Variants in RPIA observed in about 807,000 individuals in gnomAD.
RPIA encodes ribose 5-phosphate isomerase A, also known as ribose-5-phosphate isomerase.
Under a neutral mutation model 37.8 loss-of-function variants are expected in RPIA, and 29 were observed. The observed-to-expected ratio is 0.77, with a 90% CI of 0.57 to 1.05. The LOEUF (loss-of-function observed/expected upper bound fraction) is 1.05, where lower values mean the gene tolerates loss of function less well. RPIA is among the 50% of genes least tolerant of loss of function. The pLI is 0.00. For synonymous variants in RPIA, 167 were observed against 157.0 expected (o/e 1.06, Z -0.48); for missense variants, 385 against 413.6 (o/e 0.93, Z 0.60).
chr2:88,738,929 CACCAGGCGAGGAGAGG>C (rs1673350097), intron 8 of RPIA, among the ~76,000 whole-genome samples: 2 of 152,152 alleles, frequency 1.3e-5, no homozygotes, highest in South Asian at 4.1e-4. Context: ...CTTGCTGAAG[CACCAGGCGAGGAGAGG>C]CTGTGTGAAA....
intron 3 of RPIA, among the ~76,000 whole-genome samples, chr2:88,706,768 A>C (rs1176796956): frequency 2.0e-5 from 3 of 152,184 alleles, no homozygotes; most frequent in Non-Finnish European, 2.9e-5. Flanking sequence ...TTTTGGGGAC[A>C]GCACCAACTT....
chr2:88,724,855 T>G (rs1673177230), intron 3 of RPIA, among the ~76,000 whole-genome samples: 1 of 152,150 alleles, frequency 6.6e-6, no homozygotes, highest in Non-Finnish European at 1.5e-5. Flanking sequence ...CTACCTTGAT[T>G]AGGTAGTAGA....
chr2:88,692,801 C>T (rs1260168812), intron 1 of RPIA, among the ~76,000 whole-genome samples: 2 of 152,266 alleles, frequency 1.3e-5, no homozygotes, highest in East Asian at 1.9e-4. Context: ...GTATTAGAGT[C>T]TCTTTTCTTC....
chr2:88,719,581 A>G (rs931953962), intron 3 of RPIA, among the ~76,000 whole-genome samples: 17 of 152,330 alleles, frequency 1.1e-4, no homozygotes, highest in Admixed American at 9.8e-4. Flanking sequence ...AGAGGATCAC[A>G]GGTCATTGTA....
chr2:88,748,048 A>G (rs1426172009), intron 8 of RPIA, among the ~76,000 whole-genome samples: 1 of 152,186 alleles, frequency 6.6e-6, no homozygotes, highest in Admixed American at 6.5e-5. Context: ...GTAGTTTAAA[A>G]TTATGAGTTA....
intron 3 of RPIA, among the ~76,000 whole-genome samples, chr2:88,721,380 T>G (rs1673124780): frequency 6.7e-6 from 1 of 149,844 alleles, no homozygotes; most frequent in African/African-American, 2.4e-5. Flanking sequence ...AAAAAGAAAA[T>G]AAATTTAATA....
At chr2:88,742,304 G>A (rs551112772) in intron 8 of RPIA, among the ~76,000 whole-genome samples, 2 of 152,194 alleles carry the variant, frequency 1.3e-5, no homozygotes, top group Non-Finnish European at 2.9e-5. Flanking sequence ...TGTTGAATAG[G>A]GTGTCCTTTC....
At chr2:88,708,754 A>ATT (rs59981047) in intron 3 of RPIA, among the ~76,000 whole-genome samples, 22 of 128,134 alleles carry the variant, frequency 1.7e-4, no homozygotes, top group African/African-American at 4.5e-4. Context: ...TGCCAAATGG[A>ATT]TTTTTTTTTT....
intron 4 of RPIA, among the ~76,000 whole-genome samples, chr2:88,730,371 T>C (rs1193411204): frequency 3.8e-5 from 4 of 104,334 alleles, no homozygotes; most frequent in African/African-American, 8.0e-5. Flanking sequence ...AAAAAGCTTA[T>C]CCACCATGAT....
intron 8 of RPIA, among the ~76,000 whole-genome samples, chr2:88,740,810 T>C (rs931123467): frequency 6.6e-6 from 1 of 152,240 alleles, no homozygotes; most frequent in African/African-American, 2.4e-5. Context: ...TTAAAGCCTT[T>C]TCTGAACCTG....
intron 3 of RPIA, among the ~76,000 whole-genome samples, chr2:88,709,965 G>A (rs1041250026): frequency 6.6e-6 from 1 of 152,146 alleles, no homozygotes; most frequent in Non-Finnish European, 1.5e-5. Flanking sequence ...TCTCCCTTTG[G>A]GTCAGGATTT....
intron 3 of RPIA, among the ~76,000 whole-genome samples, chr2:88,727,222 C>G (rs1673210442): frequency 6.6e-6 from 1 of 152,202 alleles, no homozygotes; most frequent in Non-Finnish European, 1.5e-5. Context: ...GTCATATCAT[C>G]ACCTCCGCTT....
intron 3 of RPIA, among the ~76,000 whole-genome samples, chr2:88,717,567 T>C (rs1673051756): frequency 6.6e-6 from 1 of 152,166 alleles, no homozygotes; most frequent in African/African-American, 2.4e-5. Context: ...TTTATCGCAG[T>C]GAGCAGAGGG....
rs1185318329 is a variant in RPIA, at chr2:88,745,581, G to GTTTAAGGAGGCTAAAGATAAGA, written c.839-4399_839-4378dup. Among the ~76,000 whole-genome samples, 142 of 152,278 alleles carry GTTTAAGGAGGCTAAAGATAAGA rather than the reference G, an allele frequency of 9.3e-4. 1 individual carries two copies. Among genetic ancestry groups the GTTTAAGGAGGCTAAAGATAAGA allele is most frequent in the African/African-American group, 3.0e-3 (125 of 41,558 alleles). On this transcript the variant is annotated intron_variant, in intron 8 of 8. Coordinates refer to ENST00000283646, the MANE Select transcript of RPIA (RefSeq NM_144563.3). ...AAAATTCTTGGCTGATAATTAATTT[G>GTTTAAGGAGGCTAAAGATAAGA]TTTAAGGAGGCTAAAGATAAGACCC...
At chr2:88,740,984 C>T (rs1302482069) in intron 8 of RPIA, among the ~76,000 whole-genome samples, 1 of 152,108 alleles carries the variant, frequency 6.6e-6, no homozygotes, top group Non-Finnish European at 1.5e-5. Flanking sequence ...TTTGCTCTGC[C>T]TGTTGGCTTT....
At chr2:88,744,016 CTCTTA>C (rs1162365879) in intron 8 of RPIA, among the ~76,000 whole-genome samples, 2 of 151,918 alleles carry the variant, frequency 1.3e-5, no homozygotes, top group Admixed American at 6.6e-5. Flanking sequence ...TTTAGTTCTG[CTCTTA>C]TCTTAGTTAT....
rs1409808138 is a variant in RPIA at position 88,691,805 on chromosome 2, TC to T, written c.110del (p.Pro37ArgfsTer58). On this transcript the variant is annotated frameshift_variant, in exon 1 of 9. Transcript: ENST00000283646. LOFTEE classifies it high-confidence loss of function. ...ASGGGGNSWD[L>X]PGSHVRLPGR... Reference sequence around the variant, plus strand: ...GGCGGAGGAGGGAACAGCTGGGACCTCCCGGGTTCCCACGTGCGGCTGCCGG... The same window carrying T: ...GGCGGAGGAGGGAACAGCTGGGACCTCCGGGTTCCCACGTGCGGCTGCCGG... The T allele has an allele frequency of 6.3e-7, 1 of 1,594,986 alleles. No individual in the cohort carries two copies. The highest frequency in any genetic ancestry group is 1.1e-5 in the South Asian group (1 of 89,182).
chr2:88,707,122 G>A (rs1573463358), intron 3 of RPIA, among the ~76,000 whole-genome samples: 1 of 152,162 alleles, frequency 6.6e-6, no homozygotes, highest in East Asian at 1.9e-4. Context: ...GTTGAGTTTG[G>A]ACGCATGCAA....
intron 2 of RPIA, among the ~76,000 whole-genome samples, chr2:88,699,772 C>T (rs932933023): frequency 2.0e-5 from 3 of 152,180 alleles, no homozygotes; most frequent in African/African-American, 4.8e-5. Context: ...CAATGGCAAA[C>T]ACTGACACTG....
Sources: gnomAD v4.1 joint callset for allele counts (sites outside exome capture counted in the v4.1 genomes callset) on GRCh38, gnomAD v4.1.1 for gene constraint, MANE v1.5 for transcripts, NCBI Gene and HGNC (gene_info 2026-07-23, HGNC 2026-07-21) for gene names.